TMEFF1: variants seen among roughly 807,000 people sequenced by gnomAD.
TMEFF1 encodes the protein tomoregulin-1.
Under a neutral mutation model 47.5 loss-of-function variants are expected in TMEFF1, and 20 were observed. The ratio of observed to expected loss-of-function variants is 0.42; its 90% CI spans 0.30 to 0.61. The LOEUF is 0.61. Ranked by LOEUF, TMEFF1 falls within the 20% of genes least tolerant of loss-of-function variation. The pLI is 0.19. For missense variants in TMEFF1, 411 were observed against 471.1 expected, an observed-to-expected ratio of 0.87 and a Z score of 1.18; for synonymous variants, 162 against 166.3, an observed-to-expected ratio of 0.97 and a Z score of 0.20.
At chr9:100,527,454 T>C (rs1838284244) in intron 5 of TMEFF1, among the ~76,000 whole-genome samples, 1 of 152,220 alleles carries the variant, frequency 6.6e-6, no homozygotes, top group African/African-American at 2.4e-5. Flanking sequence ...GGGATTTCCC[T>C]TTCCGAGTCA....
At chr9:100,480,479 C>T (rs1383610021) in intron 1 of TMEFF1, among the ~76,000 whole-genome samples, 1 of 152,044 alleles carries the variant, frequency 6.6e-6, no homozygotes, top group African/African-American at 2.4e-5. Context: ...AGACAAGAAG[C>T]TGAAAGAATT....
chr9:100,523,214 T>C (rs561646952), intron 5 of TMEFF1, among the ~76,000 whole-genome samples: 2 of 152,198 alleles, frequency 1.3e-5, no homozygotes, highest in African/African-American at 4.8e-5. Context: ...CATTCCTGTT[T>C]ATCAGCTTAT....
At chr9:100,542,995 C>T (rs949887324) in intron 5 of TMEFF1, among the ~76,000 whole-genome samples, 1 of 133,204 alleles carries the variant, frequency 7.5e-6, no homozygotes, top group African/African-American at 2.8e-5. Flanking sequence ...GTGGTGTGAT[C>T]TTGGCTCAGC....
At chr9:100,485,349 G>A (rs1201332514) in intron 1 of TMEFF1, among the ~76,000 whole-genome samples, 5 of 152,128 alleles carry the variant, frequency 3.3e-5, no homozygotes, top group African/African-American at 1.2e-4. Flanking sequence ...CCTGGGTCAC[G>A]TGGTGACTCC....
chr9:100,477,620 CTTTTT>C (rs869245620), intron 1 of TMEFF1, among the ~76,000 whole-genome samples: 1 of 106,758 alleles, frequency 9.4e-6, no homozygotes, highest in Non-Finnish European at 1.8e-5. Flanking sequence ...TGCATTCCGC[CTTTTT>C]TTTTTTTTTT....
chr9:100,498,773 G>A lies in TMEFF1; in HGVS notation c.205G>A (p.Val69Met). 2 of 1,612,394 alleles carry A rather than the reference G, an allele frequency of 1.2e-6. No individual in the cohort carries two copies. Among genetic ancestry groups the A allele is most frequent in the East Asian group, 2.2e-5 (1 of 44,862 alleles). Residue 69 changes from valine (V) to methionine (M), a missense_variant, in exon 2 of 10, where the codon GTG becomes ATG. Coordinates refer to ENST00000374879, the MANE Select transcript of TMEFF1 (RefSeq NM_003692.5). ...GKSINCSELN[V>M]RESDVRVCDE... ...ATTTTTTTCTTTTGCAGAATTAAATGTGAGGGAGTCTGACGTAAGAGTTTG... is the reference window on the plus strand; with the variant it reads ...ATTTTTTTCTTTTGCAGAATTAAATATGAGGGAGTCTGACGTAAGAGTTTG...
intron 5 of TMEFF1, among the ~76,000 whole-genome samples, chr9:100,522,121 A>G (rs1838171777): frequency 6.6e-6 from 1 of 152,200 alleles, no homozygotes; most frequent in Admixed American, 6.5e-5. Flanking sequence ...TGTGTCCTGC[A>G]ATATATCCTC....
chr9:100,569,136 T>TTGAGGAGCTGCCAGA (rs1839179986), intron 8 of TMEFF1, among the ~76,000 whole-genome samples: 2 of 152,224 alleles, frequency 1.3e-5, no homozygotes, highest in African/African-American at 4.8e-5. Context: ...GTTTAACATT[T>TTGAGGAGCTGCCAGA]TGAGGAGCTG....
intron 5 of TMEFF1, among the ~76,000 whole-genome samples, chr9:100,520,947 A>G (rs963567019): frequency 1.4e-4 from 22 of 152,144 alleles, no homozygotes; most frequent in Non-Finnish European, 2.5e-4. Flanking sequence ...TCTGTTTTTT[A>G]AAAATGTTTT....
chr9:100,518,514 A>G (rs1838109988), intron 5 of TMEFF1: 1 of 985,326 alleles, frequency 1.0e-6, no homozygotes, highest in African/African-American at 1.7e-5. Context: ...GCTAAGGAGC[A>G]CATAGACAGT....
intron 1 of TMEFF1, among the ~76,000 whole-genome samples, chr9:100,487,916 A>C (rs1837482637): frequency 6.6e-6 from 1 of 152,156 alleles, no homozygotes; most frequent in Admixed American, 6.5e-5. Flanking sequence ...AGTCTTTAAA[A>C]AATTATCTTT....
At chr9:100,539,414 T>C (rs1158673071) in intron 5 of TMEFF1, among the ~76,000 whole-genome samples, 2 of 152,136 alleles carry the variant, frequency 1.3e-5, no homozygotes, top group Non-Finnish European at 2.9e-5. Context: ...TTAAAGATGG[T>C]ATGTCCGGAG....
At chr9:100,504,843 A>T (rs938546287) in intron 2 of TMEFF1, among the ~76,000 whole-genome samples, 3 of 152,206 alleles carry the variant, frequency 2.0e-5, no homozygotes, top group Admixed American at 2.0e-4. Context: ...CTTCCTGGAT[A>T]AAAAATGTGA....
rs909656509 is a variant in TMEFF1, at chr9:100,577,459, A to G, written c.*859A>G. 3.9e-5 allele frequency: 6 copies of G among 152,624 alleles called. No individual in the cohort carries two copies. Among genetic ancestry groups the G allele is most frequent in the Non-Finnish European group, 5.9e-5 (4 of 68,026 alleles). 9.5% of individuals were successfully genotyped at this position (152,624 alleles called of 1,614,324 possible). A position where few individuals can be genotyped will look rare whatever the true frequency, so the allele number is the denominator to read the frequency against. Reference sequence around the variant, plus strand: ...CAAATTTGTCCTGTAGTAATAGATTAATATTCATAGATTGTTGGTGTTTAA... The same window carrying G: ...CAAATTTGTCCTGTAGTAATAGATTGATATTCATAGATTGTTGGTGTTTAA... On this transcript the variant is annotated 3_prime_UTR_variant, in exon 10 of 10. Coordinates refer to ENST00000374879, the MANE Select transcript of TMEFF1 (RefSeq NM_003692.5).
intron 1 of TMEFF1, among the ~76,000 whole-genome samples, chr9:100,495,515 A>C (rs1837635367): frequency 6.6e-6 from 1 of 152,160 alleles, no homozygotes; most frequent in Non-Finnish European, 1.5e-5. Flanking sequence ...TATTGAATTC[A>C]TCACTAATTG....
At chr9:100,531,446 GACAA>G (rs1202716645) in intron 5 of TMEFF1, among the ~76,000 whole-genome samples, 6 of 152,052 alleles carry the variant, frequency 3.9e-5, no homozygotes, top group South Asian at 2.1e-4. Flanking sequence ...ACCAACAACA[GACAA>G]ACAGAGAGCC....
rs111372732 is a variant in TMEFF1 at position 100,561,191 on chromosome 9, CA to C, written c.776-205del. Among the ~76,000 whole-genome samples, 565 of 152,284 alleles carry C rather than the reference CA, an allele frequency of 3.7e-3. 4 individuals are homozygous for C. Among genetic ancestry groups the C allele is most frequent in the African/African-American group, 0.013 (532 of 41,558 alleles). On this transcript the variant is annotated intron_variant, in intron 7 of 9. Coordinates refer to ENST00000374879, the MANE Select transcript of TMEFF1 (RefSeq NM_003692.5). ...TATTTTTAAATGCTTTGAATCTAAA[CA>C]GTTTACCTGCTGTGTTTATGGCATA...
rs543522289 is a variant in TMEFF1, at chr9:100,507,862, ATGTT to A, written c.307-1139_307-1136del. Among the ~76,000 whole-genome samples the A allele has an allele frequency of 2.4e-3, 360 of 152,314 alleles. 2 individuals are homozygous for A. Among genetic ancestry groups the A allele is most frequent in the African/African-American group, 8.2e-3 (339 of 41,586 alleles). ...TTTCTGTTGGAAATGGCTGTAATAAATGTTTGTCTACAAGTTTCTGTCACATTGA... is the reference window on the plus strand; with the variant it reads ...TTTCTGTTGGAAATGGCTGTAATAAATGTCTACAAGTTTCTGTCACATTGA... On this transcript the variant is annotated intron_variant, in intron 2 of 9. Transcript: ENST00000374879.
intron 2 of TMEFF1, among the ~76,000 whole-genome samples, chr9:100,506,532 G>A (rs1402175941): frequency 1.3e-5 from 2 of 151,958 alleles, no homozygotes; most frequent in Admixed American, 6.6e-5. Flanking sequence ...TTGGGAGGCC[G>A]AGGCGGGCGG....
Sources: gnomAD v4.1 joint callset for allele counts (sites outside exome capture counted in the v4.1 genomes callset) on GRCh38, gnomAD v4.1.1 for gene constraint, MANE v1.5 for transcripts, NCBI Gene and HGNC (gene_info 2026-07-23, HGNC 2026-07-21) for gene names.